The following ITPR3 variants were observed in gnomAD, a reference collection of about 807,000 sequenced individuals.
ITPR3 encodes inositol 1,4,5-trisphosphate receptor type 3.
Under a neutral mutation model 293.2 loss-of-function variants are expected in ITPR3, and 173 were observed. That is an observed-to-expected ratio of 0.59 (90% CI 0.52 to 0.67). ITPR3 has a LOEUF of 0.67. Ranked by LOEUF, ITPR3 falls within the 30% of genes least tolerant of loss-of-function variation. The pLI is 0.00. For missense variants in ITPR3, 2,796 were observed against 3,592.1 expected, an observed-to-expected ratio of 0.78 and a Z score of 5.66; for synonymous variants, 1,295 against 1,444.4, an observed-to-expected ratio of 0.90 and a Z score of 2.35.
chr6:33,655,821 G>C lies in ITPR3; in HGVS notation c.216G>C (p.Trp72Cys). ...GCTACTCGGCCCAGAAGCAGTACTGGAAGGCCAAGCAGACTAAGCAGGACA... is the reference window on the plus strand; with the variant it reads ...GCTACTCGGCCCAGAAGCAGTACTGCAAGGCCAAGCAGACTAAGCAGGACA... ...MNRYSAQKQY[W>C]KAKQTKQDKE... Residue 72 changes from tryptophan to cysteine, a missense_variant, in exon 3 of 58, where the codon TGG (tryptophan) becomes TGC (cysteine). Transcript: ENST00000605930. This position sits in a 1 kb window ranked among gnomAD's most constrained non-coding sequence, Gnocchi z 4.9. 1 of 1,614,098 alleles carries C rather than the reference G, an allele frequency of 6.2e-7. No individual in the cohort carries two copies. The highest frequency in any genetic ancestry group is 1.7e-5 in the Admixed American group (1 of 60,018).
chr6:33,677,644 T>TGACCTCTGACTCCC lies in ITPR3; in HGVS notation c.3648+16_3648+29dup, dbSNP rs1764944161. 6.2e-7 allele frequency: 1 copy of TGACCTCTGACTCCC among 1,612,334 alleles called. No individual in the cohort carries two copies. The highest frequency in any genetic ancestry group is 8.5e-7 in the Non-Finnish European group (1 of 1,178,858). ...CCTATGACAAGGTGGCTCTGACTTCTGACCTCTGACTCCCCAGGGTGGCTT... is the reference window on the plus strand; with the variant it reads ...CCTATGACAAGGTGGCTCTGACTTCTGACCTCTGACTCCCGACCTCTGACTCCCCAGGGTGGCTT... On this transcript the variant is annotated intron_variant, in intron 28 of 57. Coordinates refer to ENST00000605930, the MANE Select transcript of ITPR3 (RefSeq NM_002224.4).
At chr6:33,649,064 G>A (rs1764131797) in intron 2 of ITPR3, among the ~76,000 whole-genome samples, 1 of 151,884 alleles carries the variant, frequency 6.6e-6, no homozygotes, top group African/African-American at 2.4e-5. Flanking sequence ...CACCATGTCT[G>A]GCTAATTTTT....
Position 33,677,095 on chromosome 6 carries a change from T to A in ITPR3, c.3522+6T>A. 1 of 1,613,418 alleles carries A rather than the reference T, an allele frequency of 6.2e-7. No individual in the cohort carries two copies. Among genetic ancestry groups the A allele is most frequent in the Non-Finnish European group, 8.5e-7 (1 of 1,179,514 alleles). Reference sequence around the variant, plus strand: ...ACTACCAGATCGTCAAGGGCGTGAGTGGCCAAGGGTCCTCGGGGTAGGGAT... The same window carrying A: ...ACTACCAGATCGTCAAGGGCGTGAGAGGCCAAGGGTCCTCGGGGTAGGGAT... On this transcript the variant is annotated splice_donor_region_variant and intron_variant, in intron 27 of 57. Coordinates refer to ENST00000605930, the MANE Select transcript of ITPR3 (RefSeq NM_002224.4).
Position 33,658,076 on chromosome 6 carries a change from G to A in ITPR3, c.369+58G>A, listed in dbSNP as rs1340963014. ...CTCTCCCTGCCTAAGAGGCTGGGCT[G>A]GTGCTGGGTGAGGGCTGCCAGCAGG... is the stretch of plus-strand genomic sequence containing the variant. On this transcript the variant is annotated intron_variant, in intron 4 of 57. Coordinates refer to ENST00000605930, the MANE Select transcript of ITPR3 (RefSeq NM_002224.4). The surrounding 1 kb of genome is among the most constrained non-coding windows in gnomAD (Gnocchi z 6.1). 3 of 1,478,500 alleles carry A rather than the reference G, an allele frequency of 2.0e-6. No homozygotes were observed. Among genetic ancestry groups the A allele is most frequent in the East Asian group, 2.3e-5 (1 of 42,924 alleles). The allele number at this position is 1,478,500 out of a possible 1,614,324, so 91.6% of individuals were successfully genotyped here. A position where few individuals can be genotyped will look rare whatever the true frequency, so the allele number is the denominator to read the frequency against.
In ITPR3 at chr6:33,680,314, C is replaced by G; in HGVS notation, c.4225-15C>G. The G allele has an allele frequency of 6.2e-7, 1 of 1,609,624 alleles. No homozygotes were observed. The highest frequency in any genetic ancestry group is 1.1e-5 in the South Asian group (1 of 90,526). On this transcript the variant is annotated splice_polypyrimidine_tract_variant and intron_variant, in intron 31 of 57. Transcript: ENST00000605930. ...CGGCCCTGCTTGCGCCCCTGACCTCCCGCCCACTGCCCAGGTGAAAATGGC... is the reference window on the plus strand; with the variant it reads ...CGGCCCTGCTTGCGCCCCTGACCTCGCGCCCACTGCCCAGGTGAAAATGGC...
chr6:33,684,427 C>A lies in ITPR3; in HGVS notation c.5008C>A (p.Gln1670Lys). ...GTGCATCAAGGTGCTGCGGACCCTG[C>A]AGCAGATGCTGCTCAAGAAGACCAA... ...KLCIKVLRTL[Q>K]QMLLKKTKYG... The change falls in exon 37 of 58, where the codon CAG becomes AAG. Residue 1670 changes from glutamine (Q) to lysine (K), a missense_variant. Physicochemically the swap from Gln to Lys is moderately conservative, Grantham distance 53 (BLOSUM62 1). Coordinates refer to ENST00000605930, the MANE Select transcript of ITPR3 (RefSeq NM_002224.4). The surrounding 1 kb of genome is among the most constrained non-coding windows in gnomAD (Gnocchi z 4.2). 6.2e-7 allele frequency: 1 copy of A among 1,614,110 alleles called. No homozygotes were observed. Among genetic ancestry groups the A allele is most frequent in the Non-Finnish European group, 8.5e-7 (1 of 1,179,984 alleles).
intron 2 of ITPR3, among the ~76,000 whole-genome samples, chr6:33,651,963 C>T (rs530091359): frequency 9.9e-4 from 151 of 152,274 alleles, no homozygotes; most frequent in African/African-American, 3.3e-3. Flanking sequence ...CTGTCCCTTT[C>T]TGCCTTTTCT....
At position 33,668,519 on chromosome 6, in the gene ITPR3, C is replaced by T. The variant is rs557005375; in HGVS notation, c.1891C>T (p.Leu631=). ...LVRKNREPRF[L]DYLSDLCVSN... ...CGCTGGCTGTCACCACCCCAGGTTC[C>T]TGGACTACCTCTCTGACCTGTGTGT... Residue 631 remains leucine (L), a synonymous_variant, in exon 17 of 58, where the codon CTG becomes TTG. Coordinates refer to ENST00000605930, the MANE Select transcript of ITPR3 (RefSeq NM_002224.4). 1 of 1,614,184 alleles carries T rather than the reference C, an allele frequency of 6.2e-7. No homozygotes were observed. The highest frequency in any genetic ancestry group is 1.3e-5 in the African/African-American group (1 of 75,052).
chr6:33,674,340 C>A, intron 24 of ITPR3, 75 bp downstream of exon 24: 1 of 1,452,064 alleles, frequency 6.9e-7, no homozygotes, highest in Non-Finnish European at 9.5e-7. Flanking sequence ...GGTCTGGGTT[C>A]CTGGGCTGGG....
At position 33,686,115 on chromosome 6, in the gene ITPR3, C is replaced by T. The variant is rs953357095; in HGVS notation, c.5730C>T (p.Phe1910=). The change falls in exon 42 of 58, where the codon TTC becomes TTT. Residue 1910 remains phenylalanine, a synonymous_variant. Transcript: ENST00000605930. ...ACTTGGTATGCGAGACGCTGCAGTT[C>T]CTGGACATCATGTGCGGCAGCACCA... The part of the protein sequence containing the change: ...NYNLVCETLQ[F]LDIMCGSTTG... 7 of 1,614,206 alleles carry T rather than the reference C, an allele frequency of 4.3e-6. No homozygotes were observed. Among genetic ancestry groups the T allele is most frequent in the South Asian group, 1.1e-5 (1 of 91,090 alleles).
At position 33,681,062 on chromosome 6, in the gene ITPR3, G is replaced by A. The variant is rs1022301008; in HGVS notation, c.4476+382G>A. The stretch of plus-strand genomic sequence containing the variant: ...TCTCAATCTCCTGACCTCATGATCC[G>A]CCCACCTCGGCTTCCCAAAGTGCTG... On this transcript the variant is annotated intron_variant, in intron 33 of 57. Transcript: ENST00000605930. Among the ~76,000 whole-genome samples, 9 of 152,136 alleles carry A rather than the reference G, an allele frequency of 5.9e-5. No homozygotes were observed. The East Asian group carries it at 9.7e-4, about 16-fold the overall frequency.
In ITPR3 at chr6:33,674,222, C is replaced by T; in HGVS notation, c.3073C>T (p.Leu1025=). The part of the protein sequence containing the change: ...AFDSTTANMN[L]DRIGEQAEAM... The stretch of plus-strand genomic sequence containing the variant: ...TCTCCCCACAGCTGCCAACATGAAC[C>T]TGGATCGCATCGGGGAGCAGGCGGA... The change falls in exon 24 of 58, where the codon CTG becomes TTG. Residue 1025 remains leucine (L), a synonymous_variant. Transcript: ENST00000605930. The T allele has an allele frequency of 6.2e-7, 1 of 1,614,136 alleles. No individual in the cohort carries two copies. The highest frequency in any genetic ancestry group is 1.6e-4 in the Middle Eastern group (1 of 6,062).
Position 33,675,681 on chromosome 6 carries a change from G to T in ITPR3, c.3117-10G>T, listed in dbSNP as rs751293146. On this transcript the variant is annotated splice_polypyrimidine_tract_variant and intron_variant, in intron 24 of 57. Coordinates refer to ENST00000605930, the MANE Select transcript of ITPR3 (RefSeq NM_002224.4). This position sits in a 1 kb window ranked among gnomAD's most constrained non-coding sequence, Gnocchi z 5.0. ...TCTCACCCATGCGCCCTGCACCCTT[G>T]TGCCCGCAGGAAGACAAGCAGCATG... 7 of 1,590,534 alleles carry T rather than the reference G, an allele frequency of 4.4e-6. No homozygotes were observed. The South Asian group carries it at 8.1e-5, about 18-fold the overall frequency.
At chr6:33,637,186 G>A (rs1267429264) in intron 1 of ITPR3, among the ~76,000 whole-genome samples, 1 of 152,108 alleles carries the variant, frequency 6.6e-6, no homozygotes, top group Non-Finnish European at 1.5e-5. Flanking sequence ...GATCCCACAG[G>A]TGGAAAGCTC....
intron 23 of ITPR3, 78 bp from the exon 24 acceptor site, chr6:33,674,130 G>A: frequency 6.6e-7 from 1 of 1,526,404 alleles, no homozygotes; most frequent in Non-Finnish European, 9.0e-7. Context: ...GGAAGAGGGT[G>A]GTTTGAGTGT....
Position 33,695,158 on chromosome 6 carries a change from C to T in ITPR3, c.7947+73C>T, listed in dbSNP as rs1765506390. The T allele has an allele frequency of 4.0e-6, 6 of 1,511,248 alleles. No individual in the cohort carries two copies. In the South Asian group the frequency reaches 4.8e-5, roughly 12 times the overall value. The allele number at this position is 1,511,248 out of a possible 1,614,324, so 93.6% of individuals were successfully genotyped here. On this transcript the variant is annotated intron_variant, in intron 57 of 57. Transcript: ENST00000605930. ...GCAGTCCCTGCCTGCCTTCATCCTTCCTGACCCACCCTCTTCCCCACTGGC... is the reference window on the plus strand; with the variant it reads ...GCAGTCCCTGCCTGCCTTCATCCTTTCTGACCCACCCTCTTCCCCACTGGC...
Position 33,693,538 on chromosome 6 carries a change from C to T in ITPR3, c.7625-7C>T, listed in dbSNP as rs1181644768. ...GATGGTTTCATTCCCGCCCTCTGCA[C>T]CCTCAGGTCTGGAGAGGGACAAGTT... On this transcript the variant is annotated splice_region_variant and splice_polypyrimidine_tract_variant and intron_variant, in intron 55 of 57. Coordinates refer to ENST00000605930, the MANE Select transcript of ITPR3 (RefSeq NM_002224.4). The T allele has an allele frequency of 6.2e-7, 1 of 1,613,718 alleles. No homozygotes were observed. The highest frequency in any genetic ancestry group is 2.2e-5 in the East Asian group (1 of 44,854).
intron 46 of ITPR3, 34 bp from the exon 47 acceptor site, chr6:33,688,023 T>C: frequency 1.3e-6 from 2 of 1,558,470 alleles, no homozygotes; most frequent in Non-Finnish European, 1.8e-6. Context: ...ATGTGGAGGC[T>C]GGGGCCTGAC....
At chr6:33,649,845 G>C (rs1764148165) in intron 2 of ITPR3, among the ~76,000 whole-genome samples, 1 of 152,128 alleles carries the variant, frequency 6.6e-6, no homozygotes, top group Non-Finnish European at 1.5e-5. Flanking sequence ...GATCTGTGGA[G>C]GACCTGGGAG....
Sources: gnomAD v4.1 joint callset for allele counts (sites outside exome capture counted in the v4.1 genomes callset) on GRCh38, gnomAD v4.1.1 for gene constraint, Gnocchi (gnomAD v3.1) non-coding constraint, MANE v1.5 for transcripts, NCBI Gene and HGNC (gene_info 2026-07-23, HGNC 2026-07-21) for gene names.